The following SLC24A3 variants were observed in gnomAD, a reference collection of about 807,000 sequenced individuals.
SLC24A3 encodes sodium/potassium/calcium exchanger 3.
Under a neutral mutation model 75.8 loss-of-function variants are expected in SLC24A3, and 28 were observed. The observed-to-expected ratio is 0.37, with a 90% confidence interval of 0.27 to 0.51. The LOEUF is 0.51. SLC24A3 is among the 20% of genes least tolerant of loss of function. The probability of loss-of-function intolerance (pLI) is 0.94; values close to 1 mark genes in which losing one functional copy is unlikely to be tolerated. For synonymous variants in SLC24A3, 372 were observed against 334.1 expected, an observed-to-expected ratio of 1.11 and a Z score of -1.24; for missense variants, 663 against 847.8, an observed-to-expected ratio of 0.78 and a Z score of 2.71.
chr20:19,419,837 T>TA (rs1986887464), intron 2 of SLC24A3, among the ~76,000 whole-genome samples: 3 of 151,374 alleles, frequency 2.0e-5, no homozygotes, highest in African/African-American at 7.3e-5. Context: ...TTTTTTTTTT[T>TA]TTTATTATAC....
intron 7 of SLC24A3, among the ~76,000 whole-genome samples, chr20:19,663,891 C>G (rs2032368092): frequency 6.6e-6 from 1 of 152,192 alleles, no homozygotes; most frequent in South Asian, 2.1e-4. Context: ...TCAGGGCTGA[C>G]TGCTAGCAGA....
At chr20:19,718,619 G>A (rs1016934895) in intron 16 of SLC24A3, among the ~76,000 whole-genome samples, 1 of 152,176 alleles carries the variant, frequency 6.6e-6, no homozygotes, top group African/African-American at 2.4e-5. Context: ...CATAGCTACG[G>A]TGCATCTTTT....
chr20:19,275,010 T>C (rs1351405550), intron 1 of SLC24A3, among the ~76,000 whole-genome samples: 1 of 152,260 alleles, frequency 6.6e-6, no homozygotes, highest in Non-Finnish European at 1.5e-5. Flanking sequence ...CAGTGTTGCA[T>C]TCGGCTTTAC....
chr20:19,587,700 C>T (rs1454395298), intron 6 of SLC24A3, among the ~76,000 whole-genome samples: 1 of 152,190 alleles, frequency 6.6e-6, no homozygotes, highest in African/African-American at 2.4e-5. Flanking sequence ...AATCCTGATT[C>T]TGCCATTTTC....
chr20:19,510,503 G>T (rs923779775), intron 2 of SLC24A3, among the ~76,000 whole-genome samples: 12 of 152,204 alleles, frequency 7.9e-5, no homozygotes, highest in Admixed American at 7.2e-4. Context: ...GAGATGCTGT[G>T]AACTGAATGT....
At chr20:19,261,552 T>C (rs1358810970) in intron 1 of SLC24A3, among the ~76,000 whole-genome samples, 1 of 152,072 alleles carries the variant, frequency 6.6e-6, no homozygotes, top group Non-Finnish European at 1.5e-5. Flanking sequence ...TTTTGCTGTA[T>C]TGCCCAGGCT....
intron 6 of SLC24A3, among the ~76,000 whole-genome samples, chr20:19,638,502 C>A (rs2032027998): frequency 6.6e-6 from 1 of 151,938 alleles, no homozygotes; most frequent in Admixed American, 6.6e-5. Flanking sequence ...TTTTCAAATA[C>A]CCAAGAAAGG....
chr20:19,418,554 T>C (rs1331673015), intron 2 of SLC24A3, among the ~76,000 whole-genome samples: 2 of 151,400 alleles, frequency 1.3e-5, no homozygotes, highest in Admixed American at 1.3e-4. Context: ...AAACAGTAAA[T>C]GGAAGAGGAG....
chr20:19,585,172 G>A, intron 5 of SLC24A3, 117 bp downstream of exon 5: 1 of 912,498 alleles, frequency 1.1e-6, no homozygotes, highest in East Asian at 2.6e-5. Context: ...ATAATCCAGG[G>A]ACCCCAATGA....
At chr20:19,213,992 G>A (rs557410051) in intron 1 of SLC24A3, among the ~76,000 whole-genome samples, 1 of 152,252 alleles carries the variant, frequency 6.6e-6, no homozygotes, top group African/African-American at 2.4e-5. Context: ...ATGTGCTGTG[G>A]TGTTGAGGTC....
intron 2 of SLC24A3, 73 bp downstream of exon 2, chr20:19,281,160 G>T: frequency 6.3e-7 from 1 of 1,576,828 alleles, no homozygotes; most frequent in Non-Finnish European, 8.6e-7. Context: ...GCCAGCTGCT[G>T]TGTGTTTTCT....
intron 6 of SLC24A3, among the ~76,000 whole-genome samples, chr20:19,610,268 A>T (rs2031655607): frequency 6.6e-6 from 1 of 152,102 alleles, no homozygotes; most frequent in Admixed American, 6.5e-5. Context: ...TCAGTTACAA[A>T]GGAAAACATT....
chr20:19,267,221 C>G (rs550644687), intron 1 of SLC24A3, among the ~76,000 whole-genome samples: 8 of 152,236 alleles, frequency 5.3e-5, no homozygotes, highest in Admixed American at 3.3e-4. Flanking sequence ...CTTTGAGATA[C>G]AGCTAACAGA....
At chr20:19,588,792 G>T (rs973164691) in intron 6 of SLC24A3, among the ~76,000 whole-genome samples, 1 of 152,192 alleles carries the variant, frequency 6.6e-6, no homozygotes, top group Non-Finnish European at 1.5e-5. Context: ...TGTGAATTTC[G>T]ATCTGCCGTT....
chr20:19,711,126 C>T (rs1477364663), intron 15 of SLC24A3, among the ~76,000 whole-genome samples: 1 of 91,308 alleles, frequency 1.1e-5, no homozygotes, highest in African/African-American at 4.2e-5. Flanking sequence ...CAGACACATG[C>T]AGGCAAACAC....
intron 9 of SLC24A3, among the ~76,000 whole-genome samples, chr20:19,679,061 G>C (rs898477409): frequency 1.3e-5 from 2 of 152,012 alleles, no homozygotes; most frequent in African/African-American, 4.8e-5. Context: ...CCAGACGATG[G>C]GCGGCCAGGC....
chr20:19,220,889 G>T (rs968415115), intron 1 of SLC24A3, among the ~76,000 whole-genome samples: 3 of 152,100 alleles, frequency 2.0e-5, no homozygotes, highest in Non-Finnish European at 2.9e-5. Flanking sequence ...AGAACCAAAG[G>T]GTTAAAGGTT....
At chr20:19,347,998 G>A (rs993499405) in intron 2 of SLC24A3, among the ~76,000 whole-genome samples, 2 of 152,214 alleles carry the variant, frequency 1.3e-5, no homozygotes, top group Admixed American at 6.5e-5. Flanking sequence ...GTGCTGACCT[G>A]AATGTTTCTC....
chr20:19,596,247 C>T (rs569176010), intron 6 of SLC24A3, among the ~76,000 whole-genome samples: 35 of 152,126 alleles, frequency 2.3e-4, no homozygotes, highest in African/African-American at 7.0e-4. Flanking sequence ...ACTTGAGTGG[C>T]GTTGTCAGCA....
Sources: allele counts gnomAD v4.1 joint callset (sites outside exome capture counted in the v4.1 genomes callset), GRCh38; gene constraint gnomAD v4.1.1; transcripts MANE v1.5; gene names NCBI Gene and HGNC (gene_info 2026-07-23, HGNC 2026-07-21).